DESI2: variants seen among roughly 807,000 people sequenced by gnomAD.
The protein encoded by DESI2 is desumoylating isopeptidase 2, also known as deubiquitinase DESI2.
A neutral mutation model predicts 24.1 loss-of-function variants in DESI2; 10 were observed. That is an observed-to-expected ratio of 0.41 (90% CI 0.26 to 0.70). The LOEUF (loss-of-function observed/expected upper bound fraction) is 0.70. Ranked by LOEUF, DESI2 falls within the 30% of genes least tolerant of loss-of-function variation. The pLI is 0.29. For missense variants in DESI2, 122 were observed against 234.9 expected, an observed-to-expected ratio of 0.52 and a Z score of 3.14; for synonymous variants, 71 against 87.7, an observed-to-expected ratio of 0.81 and a Z score of 1.06.
intron 4 of DESI2, among the ~76,000 whole-genome samples, chr1:244,702,936 A>G (rs2148819176): frequency 6.6e-6 from 1 of 152,110 alleles, no homozygotes; most frequent in East Asian, 1.9e-4. Context: ...ATTAACCTCT[A>G]AATAGGCAGA....
intron 1 of DESI2, among the ~76,000 whole-genome samples, chr1:244,655,488 C>T (rs1235983757): frequency 6.6e-6 from 1 of 152,184 alleles, no homozygotes; most frequent in Non-Finnish European, 1.5e-5. Context: ...CAGCAACCTA[C>T]CATTACTTAT....
intron 1 of DESI2, among the ~76,000 whole-genome samples, chr1:244,681,607 C>T (rs547243410): frequency 6.6e-6 from 1 of 152,178 alleles, no homozygotes; most frequent in Non-Finnish European, 1.5e-5. Context: ...AGCTGCCCAC[C>T]TCTTGGTACA....
chr1:244,681,229 G>C (rs1558659089), intron 1 of DESI2, among the ~76,000 whole-genome samples: 1 of 152,120 alleles, frequency 6.6e-6, no homozygotes, highest in Non-Finnish European at 1.5e-5. Context: ...TATGTTCATT[G>C]CTTCTACTTC....
chr1:244,676,084 A>AT (rs60555198), intron 1 of DESI2, among the ~76,000 whole-genome samples: 145,163 of 150,188 alleles, frequency 0.97, 70,336 homozygotes, highest in South Asian at 1. Flanking sequence ...AATACAATCA[A>AT]TTTTTTTTTT....
At chr1:244,683,179 G>A (rs1365633490) in intron 1 of DESI2, among the ~76,000 whole-genome samples, 1 of 152,188 alleles carries the variant, frequency 6.6e-6, no homozygotes, top group Non-Finnish European at 1.5e-5. Flanking sequence ...ATATGGAGGT[G>A]ATCAGATAGC....
At chr1:244,663,334 G>A (rs924987212) in intron 1 of DESI2, among the ~76,000 whole-genome samples, 3 of 151,852 alleles carry the variant, frequency 2.0e-5, no homozygotes, top group African/African-American at 7.3e-5. Flanking sequence ...CTGCCACCAC[G>A]CCCGGCTAAT....
chr1:244,684,623 C>G (rs1206539842), intron 1 of DESI2, among the ~76,000 whole-genome samples: 1 of 151,404 alleles, frequency 6.6e-6, no homozygotes, highest in African/African-American at 2.4e-5. Context: ...GCTAATTTTC[C>G]CAAGTCAACC....
chr1:244,694,204 A>G (rs1373043559), intron 4 of DESI2, among the ~76,000 whole-genome samples: 1 of 152,212 alleles, frequency 6.6e-6, no homozygotes, highest in Non-Finnish European at 1.5e-5. Context: ...TACAGCAGGG[A>G]TTAGCAAACT....
At chr1:244,660,774 TA>T (rs1175678039) in intron 1 of DESI2, among the ~76,000 whole-genome samples, 5 of 152,232 alleles carry the variant, frequency 3.3e-5, no homozygotes, top group Non-Finnish European at 5.9e-5. Context: ...TTATTTGAAA[TA>T]AGTCTTTCCT....
At chr1:244,701,165 A>T (rs978874040) in intron 4 of DESI2, among the ~76,000 whole-genome samples, 5 of 143,932 alleles carry the variant, frequency 3.5e-5, no homozygotes, top group African/African-American at 1.3e-4. Context: ...ACTATTAGGA[A>T]AGGATGCTAC....
intron 1 of DESI2, among the ~76,000 whole-genome samples, chr1:244,664,567 C>T (rs1288264437): frequency 6.6e-6 from 1 of 152,110 alleles, no homozygotes; most frequent in Non-Finnish European, 1.5e-5. Context: ...TTAGCCAGGC[C>T]CATGCCTGTG....
At chr1:244,691,367 G>T (rs923542070) in intron 3 of DESI2, among the ~76,000 whole-genome samples, 10 of 152,366 alleles carry the variant, frequency 6.6e-5, no homozygotes, top group Admixed American at 1.3e-4. Flanking sequence ...GGGATTACAG[G>T]CGTGAGCCGC....
intron 2 of DESI2, among the ~76,000 whole-genome samples, chr1:244,687,953 C>T (rs977522381): frequency 2.6e-5 from 4 of 152,148 alleles, no homozygotes; most frequent in African/African-American, 7.2e-5. Flanking sequence ...GGGCAGGTGC[C>T]ATCTTCTCCA....
At chr1:244,682,608 T>C (rs1331276089) in intron 1 of DESI2, among the ~76,000 whole-genome samples, 3 of 152,186 alleles carry the variant, frequency 2.0e-5, no homozygotes. Flanking sequence ...ATGACAGGGA[T>C]CTTACACAAA....
intron 1 of DESI2, among the ~76,000 whole-genome samples, chr1:244,669,305 T>A (rs556914250): frequency 6.6e-6 from 1 of 151,112 alleles, no homozygotes; most frequent in African/African-American, 2.4e-5. Flanking sequence ...CCAGAAAACC[T>A]GTTTTTATTA....
chr1:244,675,874 C>A (rs1377962561), intron 1 of DESI2, among the ~76,000 whole-genome samples: 1 of 152,152 alleles, frequency 6.6e-6, no homozygotes, highest in Non-Finnish European at 1.5e-5. Flanking sequence ...ACCATCCTAA[C>A]AGTATTAAAT....
chr1:244,687,616 G>C (rs917833889), intron 2 of DESI2, among the ~76,000 whole-genome samples: 19 of 152,136 alleles, frequency 1.2e-4, no homozygotes, highest in Admixed American at 1.2e-3. Context: ...CAGTATGGTG[G>C]TTATACTCTT....
intron 1 of DESI2, chr1:244,653,734 C>A: frequency 2.8e-6 from 1 of 353,556 alleles, no homozygotes. Flanking sequence ...ACCCCCGTCC[C>A]GACCGCCTGC....
At chr1:244,698,062 A>G (rs1460451231) in intron 4 of DESI2, among the ~76,000 whole-genome samples, 1 of 152,232 alleles carries the variant, frequency 6.6e-6, no homozygotes, top group Non-Finnish European at 1.5e-5. Flanking sequence ...AGGGTGGGGT[A>G]GCGGGGGCAG....
Sources: gnomAD v4.1 joint callset for allele counts (sites outside exome capture counted in the v4.1 genomes callset) on GRCh38, gnomAD v4.1.1 for gene constraint, MANE v1.5 for transcripts, NCBI Gene and HGNC (gene_info 2026-07-23, HGNC 2026-07-21) for gene names.